The following TSHZ3 variants were observed in gnomAD, a reference collection of about 807,000 sequenced individuals.
TSHZ3 encodes teashirt homolog 3.
TSHZ3 carries 10 observed loss-of-function variants against 64.5 expected under a neutral mutation model. That is an observed-to-expected ratio of 0.16 (90% CI 0.10 to 0.26). TSHZ3 has a LOEUF of 0.26. TSHZ3 is among the 10% of genes least tolerant of loss of function. TSHZ3 has a pLI of 1.00. For missense variants in TSHZ3, 1,242 were observed against 1,421.7 expected, an observed-to-expected ratio of 0.87 and a Z score of 2.03; for synonymous variants, 608 against 593.1, an observed-to-expected ratio of 1.03 and a Z score of -0.36.
chr19:31,294,310 A>T (rs756279667), intron 1 of TSHZ3, among the ~76,000 whole-genome samples: 1 of 152,140 alleles, frequency 6.6e-6, no homozygotes, highest in Non-Finnish European at 1.5e-5. Context: ...GCCAGCACTT[A>T]GCCAACACTC....
chr19:31,183,220 C>G (rs796577575), intron 5 of TSHZ3, among the ~76,000 whole-genome samples: 1 of 127,058 alleles, frequency 7.9e-6, no homozygotes, highest in African/African-American at 3.4e-5. Context: ...CTCTCTCTCT[C>G]TCTCTCTTTC....
chr19:31,341,850 C>T lies in TSHZ3; in HGVS notation c.40+7330G>A, dbSNP rs1039105. Among the ~76,000 whole-genome samples, 6 of 152,202 alleles carry T rather than the reference C, an allele frequency of 3.9e-5. 1 individual carries two copies. The East Asian group carries it at 9.7e-4, about 24-fold the overall frequency. ...ACTCAGAAGACAATGGTCACCTTTT[C>T]ATAATTAGCCACATCTTTAAGAAAA... On this transcript the variant is annotated intron_variant, in intron 1 of 1. Coordinates refer to ENST00000240587, the MANE Select transcript of TSHZ3 (RefSeq NM_020856.4).
At chr19:31,205,174 T>C (rs1161097209) in intron 4 of TSHZ3, among the ~76,000 whole-genome samples, 1 of 152,088 alleles carries the variant, frequency 6.6e-6, no homozygotes, top group Non-Finnish European at 1.5e-5. Context: ...CAGCTATCAG[T>C]CCCTGAGCAG....
intron 5 of TSHZ3, chr19:31,167,587 A>T (rs1172932963): frequency 6.6e-6 from 1 of 152,268 alleles, no homozygotes; most frequent in Non-Finnish European, 1.5e-5. Flanking sequence ...ACAGGAAAGG[A>T]TGGTAAAAAG....
intron 1 of TSHZ3, among the ~76,000 whole-genome samples, chr19:31,307,133 C>T (rs1916322051): frequency 2.0e-5 from 3 of 152,046 alleles, no homozygotes; most frequent in Admixed American, 2.0e-4. Flanking sequence ...AACTCAAGTG[C>T]TTGAGGAAAA....
intron 1 of TSHZ3, among the ~76,000 whole-genome samples, chr19:31,309,126 G>T (rs1265535218): frequency 1.3e-5 from 2 of 152,224 alleles, no homozygotes; most frequent in Non-Finnish European, 2.9e-5. Flanking sequence ...CCGTGGTGTT[G>T]CCCGCCACCC....
chr19:31,327,662 C>A (rs749733454), intron 1 of TSHZ3, among the ~76,000 whole-genome samples: 1 of 152,046 alleles, frequency 6.6e-6, no homozygotes, highest in African/African-American at 2.4e-5. Context: ...CACGTATACA[C>A]GCATATAAAT....
intron 1 of TSHZ3, among the ~76,000 whole-genome samples, chr19:31,250,559 A>T (rs1453939470): frequency 6.6e-6 from 1 of 152,240 alleles, no homozygotes; most frequent in Non-Finnish European, 1.5e-5. Flanking sequence ...AGCACAGTGC[A>T]TTGTAATAAG....
intron 1 of TSHZ3, among the ~76,000 whole-genome samples, chr19:31,338,846 C>CCT (rs1555740259): frequency 1.3e-5 from 2 of 149,308 alleles, no homozygotes; most frequent in African/African-American, 4.9e-5. Context: ...TTTCTTTTTT[C>CCT]TTTTTTTTCC....
intron 1 of TSHZ3, among the ~76,000 whole-genome samples, chr19:31,322,523 G>A (rs1230888015): frequency 2.6e-5 from 4 of 152,046 alleles, no homozygotes; most frequent in Non-Finnish European, 5.9e-5. Flanking sequence ...TGGGCTCAAG[G>A]GATTCTCCCA....
chr19:31,298,837 T>C (rs1419794205), intron 1 of TSHZ3, among the ~76,000 whole-genome samples: 2 of 152,176 alleles, frequency 1.3e-5, no homozygotes, highest in Non-Finnish European at 2.9e-5. Context: ...GTCTCCAGAA[T>C]ACACGTTTAA....
intron 1 of TSHZ3, among the ~76,000 whole-genome samples, chr19:31,262,862 GC>G (rs1201090842): frequency 6.6e-6 from 1 of 152,168 alleles, no homozygotes; most frequent in African/African-American, 2.4e-5. Context: ...TAAATGTTCT[GC>G]CCAAATTAAA....
chr19:31,303,227 C>G (rs948263497), intron 1 of TSHZ3, among the ~76,000 whole-genome samples: 1 of 152,210 alleles, frequency 6.6e-6, no homozygotes, highest in Non-Finnish European at 1.5e-5. Flanking sequence ...AAATCGCCCC[C>G]CATCTCTCTG....
intron 1 of TSHZ3, among the ~76,000 whole-genome samples, chr19:31,280,731 T>C (rs1976347026): frequency 6.6e-6 from 1 of 152,222 alleles, no homozygotes; most frequent in South Asian, 2.1e-4. Context: ...GTAACTGGGA[T>C]GTAAATCCAG....
At chr19:31,341,609 ACTCT>A (rs140397780) in intron 1 of TSHZ3, among the ~76,000 whole-genome samples, 8,836 of 135,748 alleles carry the variant, frequency 0.065, 341 homozygotes, top group Non-Finnish European at 0.095. Context: ...GCATGCACTC[ACTCT>A]CTCTCTCTCT....
chr19:31,318,002 A>G (rs542879292), intron 1 of TSHZ3, among the ~76,000 whole-genome samples: 32 of 152,226 alleles, frequency 2.1e-4, no homozygotes, highest in Admixed American at 3.9e-4. Flanking sequence ...TCTATTGAAG[A>G]GTTTTGCAGC....
chr19:31,211,374 G>A (rs182696867), intron 4 of TSHZ3, among the ~76,000 whole-genome samples: 2 of 152,330 alleles, frequency 1.3e-5, no homozygotes, highest in African/African-American at 2.4e-5. Context: ...GCAACTCATA[G>A]TCTAATGACA....
Position 31,277,569 on chromosome 19 carries a change from G to C in TSHZ3, c.2224C>G (p.Pro742Ala). 1 of 1,598,806 alleles carries C rather than the reference G, an allele frequency of 6.3e-7. No individual in the cohort carries two copies. The highest frequency in any genetic ancestry group is 1.1e-5 in the South Asian group (1 of 88,806). Residue 742 changes from proline to alanine, a missense_variant, in exon 2 of 2, where the codon CCT becomes GCT. Physicochemically the swap from Pro to Ala is conservative, Grantham distance 27. Transcript: ENST00000240587. This position sits in a 1 kb window ranked among gnomAD's most constrained non-coding sequence, Gnocchi z 4.5. ...AGCATGCTCATGGGGTCCAGGGCAG[G>C]CAGGGAGGGCTTGGCGGCCTTGCCC... ...HLGKAAKPSL[P>A]ALDPMSMLFK... is the part of the protein sequence containing the mutation.
intron 1 of TSHZ3, among the ~76,000 whole-genome samples, chr19:31,310,110 C>G (rs932823888): frequency 6.6e-6 from 1 of 152,198 alleles, no homozygotes; most frequent in Non-Finnish European, 1.5e-5. Context: ...ATCTCCTTCC[C>G]ATCCCTGGAA....
Sources: allele counts gnomAD v4.1 joint callset (sites outside exome capture counted in the v4.1 genomes callset), GRCh38; gene constraint gnomAD v4.1.1; non-coding constraint Gnocchi (gnomAD v3.1); transcripts MANE v1.5; gene names NCBI Gene and HGNC (gene_info 2026-07-23, HGNC 2026-07-21).